DYNC2I2: variants seen among roughly 807,000 people sequenced by gnomAD.
DYNC2I2 encodes the protein cytoplasmic dynein 2 intermediate chain 2.
Under a neutral mutation model 52.0 loss-of-function variants are expected in DYNC2I2, and 39 were observed. The ratio of observed to expected loss-of-function variants is 0.75; its 90% CI spans 0.58 to 0.98. The LOEUF (loss-of-function observed/expected upper bound fraction) is 0.98. Among genes scored for constraint, DYNC2I2 ranks in the 50% least tolerant of loss-of-function variants. The pLI, the probability that DYNC2I2 is intolerant of heterozygous loss-of-function variation, is 0.00. For missense variants in DYNC2I2, 743 were observed against 728.4 expected (o/e 1.02, Z -0.23); for synonymous variants, 359 against 321.1 (o/e 1.12, Z -1.26).
chr9:128,639,385 G>A (rs572098950), intron 2 of DYNC2I2, among the ~76,000 whole-genome samples: 11 of 151,780 alleles, frequency 7.2e-5, no homozygotes, highest in African/African-American at 2.2e-4. Flanking sequence ...GTGACAGAGC[G>A]AGACTCTGTC....
At chr9:128,667,790 T>G in the DYNC2I2 span, among the ~76,000 whole-genome samples, 2 of 150,046 alleles carry the variant, frequency 1.3e-5, no homozygotes, top group Non-Finnish European at 3.0e-5. Flanking sequence ...TGGAGTGCAG[T>G]GGCGCAATCT....
rs759235351 is a variant in DYNC2I2 at position 128,633,938 on chromosome 9, T to G, written c.1417A>C (p.Thr473Pro). The part of the protein sequence containing the change: ...FDLQKSSQKP[T>P]VLIKQTQDES... Reference sequence around the variant, plus strand: ...TCCTGGGTTTGCTTGATCAAAACTGTGGGTTTCTGGGAGCTTTTCTGGAGA... The same window carrying G: ...TCCTGGGTTTGCTTGATCAAAACTGGGGGTTTCTGGGAGCTTTTCTGGAGA... The change falls in exon 9 of 9, where the codon ACA becomes CCA. Residue 473 changes from threonine to proline, a missense_variant. Thr to Pro is a conservative substitution (Grantham distance 38). Transcript: ENST00000372715. 2.5e-6 allele frequency: 4 copies of G among 1,613,026 alleles called. No homozygotes were observed. The highest frequency in any genetic ancestry group is 2.7e-5 in the African/African-American group (2 of 74,930).
At chr9:128,662,019 C>A in the DYNC2I2 span, among the ~76,000 whole-genome samples, 3 of 145,648 alleles carry the variant, frequency 2.1e-5, no homozygotes, top group Non-Finnish European at 4.5e-5. Context: ...TCCAGCCTGG[C>A]GACAGAGCGA....
At chr9:128,641,081 T>C in intron 1 of DYNC2I2, 142 bp from the exon 2 acceptor site, 2 of 1,340,244 alleles carry the variant, frequency 1.5e-6, no homozygotes, top group Non-Finnish European at 2.0e-6. Context: ...GAGGTCTTGG[T>C]TGGAGATGGC....
chr9:128,682,000 A>G, the DYNC2I2 span, among the ~76,000 whole-genome samples: 2 of 151,780 alleles, frequency 1.3e-5, no homozygotes, highest in African/African-American at 4.8e-5. Flanking sequence ...TGAAACTGGG[A>G]GGTGGAGGTT....
the DYNC2I2 span, among the ~76,000 whole-genome samples, chr9:128,676,763 C>G: frequency 6.6e-6 from 1 of 151,754 alleles, no homozygotes; most frequent in Non-Finnish European, 1.5e-5. Flanking sequence ...AAACTCCTGA[C>G]TTCAAGTGAT....
the DYNC2I2 span, among the ~76,000 whole-genome samples, chr9:128,665,297 C>T: frequency 6.6e-6 from 1 of 152,086 alleles, no homozygotes; most frequent in African/African-American, 2.4e-5. Context: ...GTGTTCCACC[C>T]TCCTCGGCCT....
At chr9:128,645,686 A>T (rs1860603993) in intron 1 of DYNC2I2, among the ~76,000 whole-genome samples, 1 of 150,336 alleles carries the variant, frequency 6.7e-6, no homozygotes, top group Admixed American at 6.7e-5. Flanking sequence ...TAAATGTTCA[A>T]GGGAAAGGAA....
At chr9:128,679,871 CA>C in the DYNC2I2 span, among the ~76,000 whole-genome samples, 1 of 151,996 alleles carries the variant, frequency 6.6e-6, no homozygotes, top group African/African-American at 2.4e-5. Flanking sequence ...CACAGACACA[CA>C]TATATAAAAT....
At chr9:128,677,125 G>A in the DYNC2I2 span, among the ~76,000 whole-genome samples, 1 of 151,694 alleles carries the variant, frequency 6.6e-6, no homozygotes. Context: ...TGGGTTTACA[G>A]GCGTGAGCCA....
intron 1 of DYNC2I2, among the ~76,000 whole-genome samples, chr9:128,653,769 T>C (rs925058026): frequency 6.6e-6 from 1 of 151,664 alleles, no homozygotes; most frequent in African/African-American, 2.4e-5. Flanking sequence ...CCCAGCAATT[T>C]GGGAGGCCAA....
At chr9:128,677,832 C>T in the DYNC2I2 span, among the ~76,000 whole-genome samples, 24 of 151,904 alleles carry the variant, frequency 1.6e-4, no homozygotes. Context: ...ACAAAAAACA[C>T]GGCAGGGTAG....
intron 2 of DYNC2I2, among the ~76,000 whole-genome samples, chr9:128,640,371 A>C (rs1860490135): frequency 6.6e-6 from 1 of 152,154 alleles, no homozygotes; most frequent in Non-Finnish European, 1.5e-5. Context: ...GTACATGGGG[A>C]GGCAGGGCAG....
the DYNC2I2 span, among the ~76,000 whole-genome samples, chr9:128,678,044 C>T: frequency 1.3e-4 from 19 of 151,776 alleles, no homozygotes; most frequent in Non-Finnish European, 2.2e-4. Context: ...TTTTTCCCTT[C>T]GACTTAGCTG....
chr9:128,648,037 A>AC (rs1312061705), intron 1 of DYNC2I2, among the ~76,000 whole-genome samples: 5 of 152,058 alleles, frequency 3.3e-5, no homozygotes, highest in Non-Finnish European at 5.9e-5. Context: ...CACCTGCCCC[A>AC]CAGGACCCCT....
At chr9:128,684,113 C>A in the DYNC2I2 span, 45 of 884,636 alleles carry the variant, frequency 5.1e-5, no homozygotes, top group East Asian at 7.6e-4. Context: ...CTAAGCACCC[C>A]CAAAGGGTTT....
At chr9:128,672,765 C>G in the DYNC2I2 span, among the ~76,000 whole-genome samples, 2 of 152,158 alleles carry the variant, frequency 1.3e-5, no homozygotes, top group Non-Finnish European at 2.9e-5. Flanking sequence ...CGGTGGCTCA[C>G]GCCTATAATC....
At chr9:128,635,854 G>A in intron 4 of DYNC2I2, 87 bp from the exon 5 acceptor site, 2 of 1,194,732 alleles carry the variant, frequency 1.7e-6, no homozygotes, top group African/African-American at 1.5e-5. Context: ...CCACCTACAG[G>A]GCCAGGGCCA....
chr9:128,656,109 G>A (rs957499495), intron 1 of DYNC2I2, among the ~76,000 whole-genome samples: 36 of 148,388 alleles, frequency 2.4e-4, no homozygotes, highest in Admixed American at 1.8e-3. Flanking sequence ...TACTCTGGAT[G>A]CGCAGGTGGG....
Sources: allele counts gnomAD v4.1 joint callset (sites outside exome capture counted in the v4.1 genomes callset), GRCh38; gene constraint gnomAD v4.1.1; transcripts MANE v1.5; gene names NCBI Gene and HGNC (gene_info 2026-07-23, HGNC 2026-07-21).